The following TPD52L1 variants were observed in gnomAD, a reference collection of about 807,000 sequenced individuals.
The protein encoded by TPD52L1 is tumor protein D53.
Under a neutral mutation model 28.7 loss-of-function variants are expected in TPD52L1, and 18 were observed. That is an observed-to-expected ratio of 0.63 (90% CI 0.43 to 0.93). TPD52L1 has a LOEUF of 0.93. Ranked by LOEUF, TPD52L1 falls within the 40% of genes least tolerant of loss-of-function variation. The pLI is 0.00. For missense variants in TPD52L1, 203 were observed against 254.8 expected (o/e 0.80, Z 1.39); for synonymous variants, 75 against 88.8 (o/e 0.84, Z 0.88).
chr6:125,236,069 G>A (rs1796245620), intron 3 of TPD52L1, among the ~76,000 whole-genome samples: 2 of 152,134 alleles, frequency 1.3e-5, no homozygotes, highest in South Asian at 4.1e-4. Flanking sequence ...ATGGAAAGCA[G>A]GCACCCTGGA....
At chr6:125,195,900 T>G (rs1053760147) in intron 1 of TPD52L1, among the ~76,000 whole-genome samples, 3 of 152,230 alleles carry the variant, frequency 2.0e-5, no homozygotes, top group African/African-American at 7.2e-5. Context: ...GTTGCCCACT[T>G]GCTCATCATA....
Position 125,263,281 on chromosome 6 carries a change from C to T in TPD52L1, c.*319C>T. On this transcript the variant is annotated 3_prime_UTR_variant, in exon 7 of 7. Transcript: ENST00000534000. ...TTTCCAAACATGTAGCTATTGTTTG[C>T]TTTGATTTTTGCTTGGCCTCCTTTA... The T allele has an allele frequency of 3.6e-6, 1 of 275,082 alleles. No homozygotes were observed. Among genetic ancestry groups the T allele is most frequent in the Non-Finnish European group, 6.9e-6 (1 of 144,196 alleles). The allele number at this position is 275,082 out of a possible 1,614,324, so 17.0% of individuals were successfully genotyped here.
chr6:125,261,010 G>GTAAA (rs1797991799), intron 6 of TPD52L1: 1 of 27,452 alleles, frequency 3.6e-5, no homozygotes, highest in African/African-American at 1.9e-4. Flanking sequence ...AAGAAAGAAA[G>GTAAA]AAAGAAAGAA....
At chr6:125,156,014 A>G (rs1358817739) in intron 1 of TPD52L1, among the ~76,000 whole-genome samples, 1 of 152,214 alleles carries the variant, frequency 6.6e-6, no homozygotes, top group Non-Finnish European at 1.5e-5. Flanking sequence ...CTCAAAGCCT[A>G]TGACTTTTGG....
intron 3 of TPD52L1, among the ~76,000 whole-genome samples, chr6:125,245,718 C>T (rs1796884091): frequency 6.6e-6 from 1 of 152,168 alleles, no homozygotes; most frequent in Non-Finnish European, 1.5e-5. Context: ...AAAGGCCCCA[C>T]CCAGCTCCCA....
chr6:125,211,402 T>C (rs1415798470), intron 1 of TPD52L1, among the ~76,000 whole-genome samples: 1 of 152,118 alleles, frequency 6.6e-6, no homozygotes, highest in Admixed American at 6.5e-5. Context: ...ACATAATTGA[T>C]TATGAAAGCC....
chr6:125,154,561 C>G (rs531938518), intron 1 of TPD52L1: 8 of 982,106 alleles, frequency 8.1e-6, no homozygotes, highest in Admixed American at 6.1e-5. Context: ...GATCGGGGAG[C>G]GACCTCTGCC....
chr6:125,210,256 T>A (rs1279945478), intron 1 of TPD52L1, among the ~76,000 whole-genome samples: 1 of 152,196 alleles, frequency 6.6e-6, no homozygotes, highest in Middle Eastern at 3.2e-3. Flanking sequence ...ACAAATGAAC[T>A]CACAAATGAC....
chr6:125,260,857 A>G, intron 6 of TPD52L1, among the ~76,000 whole-genome samples: 1 of 150,638 alleles, frequency 6.6e-6, no homozygotes, highest in South Asian at 2.1e-4. Context: ...AAAGTGAGAG[A>G]GAGAAAGAAA....
At chr6:125,253,676 CTTT>C in intron 4 of TPD52L1, 38 bp from the exon 5 acceptor site, 3 of 1,591,468 alleles carry the variant, frequency 1.9e-6, no homozygotes, top group Non-Finnish European at 2.6e-6. Flanking sequence ...GTGCTCTCTT[CTTT>C]TTTCTTTTTT....
intron 1 of TPD52L1, among the ~76,000 whole-genome samples, chr6:125,172,552 A>ACACACT (rs71024714): frequency 1.4e-5 from 1 of 72,372 alleles, no homozygotes; most frequent in African/African-American, 6.1e-5. Flanking sequence ...ATATATATAT[A>ACACACT]ATATATATAC....
chr6:125,164,296 G>T (rs565784660), intron 1 of TPD52L1, among the ~76,000 whole-genome samples: 44 of 152,338 alleles, frequency 2.9e-4, no homozygotes, highest in African/African-American at 1.0e-3. Flanking sequence ...AGATCTTTAA[G>T]AGTAAGCCTT....
Position 125,253,493 on chromosome 6 carries a change from A to C in TPD52L1, c.387-224A>C. On this transcript the variant is annotated intron_variant, in intron 4 of 6. Coordinates refer to ENST00000534000, the MANE Select transcript of TPD52L1 (RefSeq NM_003287.4). ...AAAGGAGGCTGCAGAAAGTAAAATA[A>C]TATGCAACCACGGATCCACCATCTA... is the stretch of plus-strand genomic sequence containing the variant. The C allele has an allele frequency of 1.5e-5, 8 of 541,300 alleles. No homozygotes were observed. The South Asian group carries it at 2.1e-4, about 14-fold the overall frequency. The allele number at this position is 541,300 out of a possible 1,614,324, so 33.5% of individuals were successfully genotyped here. A position where few individuals can be genotyped will look rare whatever the true frequency, so the allele number is the denominator to read the frequency against.
chr6:125,218,368 G>A (rs955116931), intron 1 of TPD52L1, among the ~76,000 whole-genome samples: 1 of 152,184 alleles, frequency 6.6e-6, no homozygotes, highest in African/African-American at 2.4e-5. Context: ...AGTCAAGCAT[G>A]CTTTCCTGGG....
Position 125,260,982 on chromosome 6 carries a change from A to AAAAGAAAG in TPD52L1, c.487-1820_487-1813dup, listed in dbSNP as rs1342382897. 1.1e-3 allele frequency: 51 copies of AAAAGAAAG among 44,758 alleles called. 4 individuals are homozygous for AAAAGAAAG. The highest frequency in any genetic ancestry group is 1.6e-3 in the Non-Finnish European group (45 of 27,732). 2.8% of individuals were successfully genotyped at this position (44,758 alleles called of 1,614,324 possible). On this transcript the variant is annotated intron_variant, in intron 6 of 6. Transcript: ENST00000534000. Reference sequence around the variant, plus strand: ...AAAGAAAGAAAGAAAGAAAGAAAAGAAAAGAAAGAAAGAAAGAAAGAAAGA... The same window carrying AAAAGAAAG: ...AAAGAAAGAAAGAAAGAAAGAAAAGAAAAGAAAGAAAGAAAGAAAGAAAGAAAGAAAGA...
chr6:125,218,609 G>A (rs1361214439), intron 1 of TPD52L1, among the ~76,000 whole-genome samples: 3 of 152,002 alleles, frequency 2.0e-5, no homozygotes, highest in South Asian at 4.2e-4. Context: ...TTGTTCGTCC[G>A]TTTTTCATGG....
chr6:125,219,389 T>C (rs945243405), intron 1 of TPD52L1, among the ~76,000 whole-genome samples: 1 of 152,174 alleles, frequency 6.6e-6, no homozygotes, highest in Non-Finnish European at 1.5e-5. Context: ...CAGAGTCAGT[T>C]TGTCAGTGAT....
At chr6:125,172,225 CTTCCTCT>C (rs1791452174) in intron 1 of TPD52L1, among the ~76,000 whole-genome samples, 2 of 129,788 alleles carry the variant, frequency 1.5e-5, no homozygotes, top group African/African-American at 6.1e-5. Context: ...TCTTTCCTTC[CTTCCTCT>C]TTCCTTCCTT....
Position 125,220,095 on chromosome 6 carries a change from C to T in TPD52L1, c.37C>T (p.Pro13Ser). 1 of 1,613,444 alleles carries T rather than the reference C, an allele frequency of 6.2e-7. No homozygotes were observed. Among genetic ancestry groups the T allele is most frequent in the South Asian group, 1.1e-5 (1 of 91,068 alleles). ...GCCTAAAGGTTTGTTGGAGACTGAA[C>T]CGTTGCAAGGAACAGACGAAGATGC... ...AQAQGLLETEPLQGTDEDAVA... is the reference protein window; with the variant it reads ...AQAQGLLETESLQGTDEDAVA... The change falls in exon 2 of 7, where the codon CCG becomes TCG. Residue 13 changes from proline to serine, a missense_variant. By Grantham distance (74) the Pro-to-Ser change is moderately conservative. Transcript: ENST00000534000.
Sources: gnomAD v4.1 joint callset for allele counts (sites outside exome capture counted in the v4.1 genomes callset) on GRCh38, gnomAD v4.1.1 for gene constraint, MANE v1.5 for transcripts, NCBI Gene and HGNC (gene_info 2026-07-23, HGNC 2026-07-21) for gene names.